The following CARMIL1 variants were observed in gnomAD, a reference collection of about 807,000 sequenced individuals.
The protein encoded by CARMIL1 is F-actin-uncapping protein LRRC16A.
A neutral mutation model predicts 177.1 loss-of-function variants in CARMIL1; 90 were observed. The observed-to-expected ratio is 0.51, with a 90% CI of 0.43 to 0.61. The LOEUF is 0.61. Among genes scored for constraint, CARMIL1 ranks in the 20% least tolerant of loss-of-function variants. The pLI, the probability that CARMIL1 is intolerant of heterozygous loss-of-function variation, is 0.00. For synonymous variants in CARMIL1, 577 were observed against 606.2 expected, an observed-to-expected ratio of 0.95 and a Z score of 0.71; for missense variants, 1,380 against 1,667.0, an observed-to-expected ratio of 0.83 and a Z score of 3.00.
chr6:25,523,998 A>G (rs180880358), intron 23 of CARMIL1, among the ~76,000 whole-genome samples: 121 of 152,330 alleles, frequency 7.9e-4, no homozygotes, highest in African/African-American at 2.0e-3. Flanking sequence ...ATCGCAGTAA[A>G]GATTGGAGAA....
intron 35 of CARMIL1, among the ~76,000 whole-genome samples, chr6:25,606,530 T>C (rs1425811518): frequency 6.6e-6 from 1 of 152,164 alleles, no homozygotes; most frequent in Non-Finnish European, 1.5e-5. Context: ...TACAGGTTAG[T>C]TTGTAGGCAA....
chr6:25,518,262 GAGTCCTTCA>G (rs1309961203), intron 22 of CARMIL1, among the ~76,000 whole-genome samples: 1 of 152,176 alleles, frequency 6.6e-6, no homozygotes, highest in African/African-American at 2.4e-5. Context: ...TGGGAATGAG[GAGTCCTTCA>G]TTCAGTCTTC....
chr6:25,438,410 A>C (rs1394943669), intron 5 of CARMIL1, among the ~76,000 whole-genome samples: 1 of 152,234 alleles, frequency 6.6e-6, no homozygotes, highest in Non-Finnish European at 1.5e-5. Context: ...AAATACATAA[A>C]TCAAGTAACA....
intron 3 of CARMIL1, among the ~76,000 whole-genome samples, chr6:25,425,527 G>A (rs558642901): frequency 1.3e-5 from 2 of 152,020 alleles, no homozygotes; most frequent in East Asian, 1.9e-4. Context: ...TATATTTCTC[G>A]GTTTAATGTG....
At chr6:25,338,267 A>T (rs12190744) in intron 2 of CARMIL1, among the ~76,000 whole-genome samples, 6 of 151,406 alleles carry the variant, frequency 4.0e-5, no homozygotes, top group Admixed American at 6.6e-5. Context: ...AAAAAAAAAA[A>T]AATAAAATAA....
rs187669743 is a variant in CARMIL1 at position 25,327,776 on chromosome 6, G to T, written c.138+42867G>T. Among the ~76,000 whole-genome samples, 361 of 152,320 alleles carry T rather than the reference G, an allele frequency of 2.4e-3. 1 individual carries two copies. Among genetic ancestry groups the T allele is most frequent in the African/African-American group, 8.3e-3 (344 of 41,578 alleles). ...TGGGCTACTTTGTGCCTCATGTCAT[G>T]TTATTGAATCCAACTTCTTGGAATT... On this transcript the variant is annotated intron_variant, in intron 2 of 36. Coordinates refer to ENST00000329474, the MANE Select transcript of CARMIL1 (RefSeq NM_017640.6).
chr6:25,395,918 G>T (rs998184382), intron 2 of CARMIL1, among the ~76,000 whole-genome samples: 2 of 152,198 alleles, frequency 1.3e-5, no homozygotes, highest in African/African-American at 2.4e-5. Context: ...AGGATCATGC[G>T]GGTCCTTGTG....
At chr6:25,386,644 A>G (rs899514268) in intron 2 of CARMIL1, among the ~76,000 whole-genome samples, 1 of 152,204 alleles carries the variant, frequency 6.6e-6, no homozygotes, top group South Asian at 2.1e-4. Flanking sequence ...CGTTGAAGAA[A>G]TAACTGTACC....
chr6:25,481,056 G>A (rs184080346), intron 11 of CARMIL1, among the ~76,000 whole-genome samples: 28 of 150,658 alleles, frequency 1.9e-4, no homozygotes, highest in African/African-American at 6.1e-4. Flanking sequence ...AGTTTTAACA[G>A]TTATTCTGTC....
intron 13 of CARMIL1, among the ~76,000 whole-genome samples, chr6:25,489,477 A>C (rs1163105590): frequency 6.6e-6 from 1 of 152,314 alleles, no homozygotes; most frequent in Middle Eastern, 3.4e-3. Flanking sequence ...ATAATGTAAT[A>C]TTTGGCAGAT....
At chr6:25,584,259 C>A (rs998720955) in intron 31 of CARMIL1, among the ~76,000 whole-genome samples, 1 of 150,460 alleles carries the variant, frequency 6.6e-6, no homozygotes, top group East Asian at 2.0e-4. Flanking sequence ...AGGCTAATCT[C>A]GGAACTCCTA....
chr6:25,449,908 A>G lies in CARMIL1; in HGVS notation c.382A>G (p.Lys128Glu). ...FPGLSPVRIM[K>E]KVSMEPSERL... ...TTGTTGATCTTACAGGAGAATCATG[A>G]AAAAAGTCTCCATGGAGCCATCTGA... Residue 128 changes from lysine (K) to glutamate (E), a missense_variant, in exon 6 of 37, where the codon AAA (lysine) becomes GAA (glutamate). Lys to Glu is a moderately conservative substitution (Grantham distance 56, BLOSUM62 1). Transcript: ENST00000329474. The G allele has an allele frequency of 1.2e-6, 2 of 1,602,256 alleles. No individual in the cohort carries two copies. Among genetic ancestry groups the G allele is most frequent in the African/African-American group, 1.3e-5 (1 of 74,704 alleles).
chr6:25,355,660 C>A (rs1449027231), intron 2 of CARMIL1, among the ~76,000 whole-genome samples: 1 of 152,086 alleles, frequency 6.6e-6, no homozygotes, highest in Non-Finnish European at 1.5e-5. Context: ...GGTGACAGAG[C>A]AAGACCCTGT....
At chr6:25,306,802 A>C (rs1783306277) in intron 2 of CARMIL1, among the ~76,000 whole-genome samples, 1 of 150,158 alleles carries the variant, frequency 6.7e-6, no homozygotes, top group African/African-American at 2.5e-5. Context: ...AGTTCTTTTG[A>C]GTATATACCT....
Position 25,620,126 on chromosome 6 carries a change from A to C in CARMIL1, c.*543A>C, listed in dbSNP as rs1241038393. The C allele has an allele frequency of 6.6e-6, 1 of 152,636 alleles. No individual in the cohort carries two copies. The highest frequency in any genetic ancestry group is 1.5e-5 in the Non-Finnish European group (1 of 68,050). 9.5% of individuals were successfully genotyped at this position (152,636 alleles called of 1,614,324 possible). A position where few individuals can be genotyped will look rare whatever the true frequency, so the allele number is the denominator to read the frequency against. ...CACTAATAATTTGTATAGATTATAT[A>C]TATTAGATCTTGGGTATGGTTTTTA... On this transcript the variant is annotated 3_prime_UTR_variant, in exon 37 of 37. Transcript: ENST00000329474.
chr6:25,561,300 G>T (rs1261359288), intron 29 of CARMIL1, among the ~76,000 whole-genome samples: 1 of 152,106 alleles, frequency 6.6e-6, no homozygotes, highest in Non-Finnish European at 1.5e-5. Flanking sequence ...GCAGAAGTTT[G>T]GGATTTAAGT....
Position 25,554,862 on chromosome 6 carries a change from T to G in CARMIL1, c.2592+766T>G, listed in dbSNP as rs116815612. ...GATGGAGATACCAGTTTTATGGCAT[T>G]GAATTGTTGGGTGACCCTAGAGAAT... On this transcript the variant is annotated intron_variant, in intron 28 of 36. Coordinates refer to ENST00000329474, the MANE Select transcript of CARMIL1 (RefSeq NM_017640.6). The surrounding 1 kb of genome is among the most constrained non-coding windows in gnomAD (Gnocchi z 4.6). Among the ~76,000 whole-genome samples, 298 of 152,354 alleles carry G rather than the reference T, an allele frequency of 2.0e-3. 2 individuals are homozygous for G. Among genetic ancestry groups the G allele is most frequent in the African/African-American group, 6.2e-3 (259 of 41,592 alleles).
At chr6:25,595,660 C>G (rs944501023) in intron 32 of CARMIL1, among the ~76,000 whole-genome samples, 1 of 152,116 alleles carries the variant, frequency 6.6e-6, no homozygotes, top group African/African-American at 2.4e-5. Context: ...TTCTTTCCAT[C>G]CTTCAGACAC....
At chr6:25,412,754 C>T (rs1352717826) in intron 2 of CARMIL1, among the ~76,000 whole-genome samples, 1 of 152,122 alleles carries the variant, frequency 6.6e-6, no homozygotes, top group Non-Finnish European at 1.5e-5. Context: ...AGCCATAAAA[C>T]TCTATGTGGG....
Sources: gnomAD v4.1 joint callset for allele counts (sites outside exome capture counted in the v4.1 genomes callset) on GRCh38, gnomAD v4.1.1 for gene constraint, Gnocchi (gnomAD v3.1) non-coding constraint, MANE v1.5 for transcripts, NCBI Gene and HGNC (gene_info 2026-07-23, HGNC 2026-07-21) for gene names.